Variants in MAGI2 observed in about 807,000 individuals in gnomAD.
MAGI2 encodes the protein membrane associated guanylate kinase, WW and PDZ domain containing 2.
Under a neutral mutation model 133.3 loss-of-function variants are expected in MAGI2, and 35 were observed. The ratio of observed to expected loss-of-function variants is 0.26; its 90% CI spans 0.20 to 0.35. The LOEUF (loss-of-function observed/expected upper bound fraction) is 0.35, where lower values mean the gene tolerates loss of function less well. Ranked by LOEUF, MAGI2 falls within the 10% of genes least tolerant of loss-of-function variation. MAGI2 has a pLI of 1.00. For missense variants in MAGI2, 1,636 were observed against 1,863.4 expected (o/e 0.88, Z 2.25); for synonymous variants, 729 against 710.6 (o/e 1.03, Z -0.41).
At chr7:78,726,031 T>A (rs1820772917) in intron 2 of MAGI2, among the ~76,000 whole-genome samples, 1 of 152,110 alleles carries the variant, frequency 6.6e-6, no homozygotes, top group Non-Finnish European at 1.5e-5. Context: ...ATATAGCTGC[T>A]CCAAAAATGT....
chr7:79,239,877 C>T (rs1304815310), intron 1 of MAGI2, among the ~76,000 whole-genome samples: 2 of 152,166 alleles, frequency 1.3e-5, no homozygotes, highest in Non-Finnish European at 2.9e-5. Flanking sequence ...CCAGGTGGCC[C>T]TCCTTGTGGA....
At chr7:78,640,760 T>C (rs1810207348) in intron 2 of MAGI2, among the ~76,000 whole-genome samples, 1 of 152,192 alleles carries the variant, frequency 6.6e-6, no homozygotes. Flanking sequence ...TATCACTGCC[T>C]AAAAGAAGGG....
intron 1 of MAGI2, among the ~76,000 whole-genome samples, chr7:79,099,654 T>C (rs1817802140): frequency 6.6e-6 from 1 of 152,064 alleles, no homozygotes; most frequent in Non-Finnish European, 1.5e-5. Context: ...TAGGTCCCAT[T>C]GTCTATTTTT....
intron 6 of MAGI2, among the ~76,000 whole-genome samples, chr7:78,447,938 G>A (rs1788324810): frequency 6.6e-6 from 1 of 151,992 alleles, no homozygotes; most frequent in African/African-American, 2.4e-5. Context: ...CCCTTCCCAG[G>A]CAATTGATAA....
chr7:78,334,057 ACAAGCCAGAAAACATTTTCAAATGACTT>A (rs1187655719), intron 9 of MAGI2, among the ~76,000 whole-genome samples: 1 of 152,190 alleles, frequency 6.6e-6, no homozygotes, highest in Non-Finnish European at 1.5e-5. Context: ...TGGTGGAAAA[ACAAGCCAGAAAACATTTTCAAATGACTT>A]CTTAGGCTTT....
chr7:78,038,577 A>T (rs112341690), intron 21 of MAGI2, among the ~76,000 whole-genome samples: 2 of 151,918 alleles, frequency 1.3e-5, no homozygotes, highest in African/African-American at 4.8e-5. Context: ...AGAAATGCAG[A>T]CTCCCCACCT....
intron 1 of MAGI2, among the ~76,000 whole-genome samples, chr7:79,223,291 A>G (rs1340538225): frequency 6.6e-6 from 1 of 152,068 alleles, no homozygotes; most frequent in Non-Finnish European, 1.5e-5. Flanking sequence ...GAAGTCCATT[A>G]CCAATCTTTA....
intron 1 of MAGI2, among the ~76,000 whole-genome samples, chr7:79,379,181 A>C (rs2129141172): frequency 1.4e-5 from 2 of 147,278 alleles, no homozygotes; most frequent in East Asian, 4.0e-4. Context: ...CTCATTGTTC[A>C]ATTCCCACCT....
chr7:78,389,142 A>G (rs963201886), intron 6 of MAGI2, among the ~76,000 whole-genome samples: 1 of 152,200 alleles, frequency 6.6e-6, no homozygotes, highest in Non-Finnish European at 1.5e-5. Flanking sequence ...TATCAGTGTT[A>G]ATAAAATTAA....
At chr7:79,217,321 T>C (rs1019581087) in intron 1 of MAGI2, among the ~76,000 whole-genome samples, 3 of 152,018 alleles carry the variant, frequency 2.0e-5, no homozygotes, top group African/African-American at 7.3e-5. Context: ...AAGGAAAATA[T>C]ACTCTAAATT....
intron 7 of MAGI2, among the ~76,000 whole-genome samples, chr7:78,349,941 C>T (rs13233399): frequency 0.3 from 46,291 of 152,088 alleles, 7,366 homozygotes; most frequent in Middle Eastern, 0.37. Flanking sequence ...GAGGTAAGTA[C>T]TAGCTATTTC....
At chr7:79,361,889 A>T (rs1467155594) in intron 1 of MAGI2, among the ~76,000 whole-genome samples, 1 of 152,160 alleles carries the variant, frequency 6.6e-6, no homozygotes. Context: ...GAAAACAAAA[A>T]CATAACATAT....
chr7:78,564,783 C>CTT (rs35069216), intron 3 of MAGI2, among the ~76,000 whole-genome samples: 9,667 of 64,216 alleles, frequency 0.15, 3,215 homozygotes, highest in East Asian at 0.36. Context: ...CTTTGACATT[C>CTT]TTTTTTTTTT....
At chr7:78,460,480 A>G (rs1381952969) in intron 6 of MAGI2, among the ~76,000 whole-genome samples, 1 of 152,128 alleles carries the variant, frequency 6.6e-6, no homozygotes. Flanking sequence ...TAAGTTGCCA[A>G]CACATGTCAG....
rs1245203859 is a variant in MAGI2 at position 78,078,620 on chromosome 7, T to C, written c.3706+327A>G. ...ACTCAAATGAACAGTGGACTATCAG[T>C]CAAATTGTAACAGTTCTAATATTTA... On this transcript the variant is annotated intron_variant, in intron 21 of 21. Coordinates refer to ENST00000354212, the MANE Select transcript of MAGI2 (RefSeq NM_012301.4). The C allele has an allele frequency of 3.7e-5, 17 of 463,038 alleles. No individual in the cohort carries two copies. The East Asian group carries it at 6.3e-4, about 17-fold the overall frequency. 28.7% of individuals were successfully genotyped at this position (463,038 alleles called of 1,614,324 possible). A position where few individuals can be genotyped will look rare whatever the true frequency, so the allele number is the denominator to read the frequency against.
chr7:79,438,709 T>C (rs1848306906), intron 1 of MAGI2, among the ~76,000 whole-genome samples: 1 of 151,986 alleles, frequency 6.6e-6, no homozygotes, highest in South Asian at 2.1e-4. Context: ...ACTCACACCA[T>C]TCTTAAATAT....
At chr7:78,531,371 G>C (rs755979329) in intron 3 of MAGI2, among the ~76,000 whole-genome samples, 2 of 151,798 alleles carry the variant, frequency 1.3e-5, no homozygotes, top group Admixed American at 1.3e-4. Context: ...GCACCTCCAC[G>C]TCGAATTAAT....
At chr7:78,414,589 A>AT (rs756707710) in intron 6 of MAGI2, among the ~76,000 whole-genome samples, 18 of 151,458 alleles carry the variant, frequency 1.2e-4, no homozygotes, top group Non-Finnish European at 1.6e-4. Flanking sequence ...AAAACATTAG[A>AT]TTTTTTTTTC....
chr7:78,217,232 T>C (rs1234159651), intron 10 of MAGI2, among the ~76,000 whole-genome samples: 2 of 152,284 alleles, frequency 1.3e-5, no homozygotes, highest in East Asian at 1.9e-4. Context: ...CCCCTTACAT[T>C]AACCTCCCTG....
Sources: allele counts gnomAD v4.1 joint callset (sites outside exome capture counted in the v4.1 genomes callset), GRCh38; gene constraint gnomAD v4.1.1; transcripts MANE v1.5; gene names NCBI Gene and HGNC (gene_info 2026-07-23, HGNC 2026-07-21).